The following PID1 variants were observed in gnomAD, a reference collection of about 807,000 sequenced individuals.
The protein encoded by PID1 is PTB-containing, cubilin and LRP1-interacting protein.
PID1 carries 10 observed loss-of-function variants against 19.1 expected under a neutral mutation model. The ratio of observed to expected loss-of-function variants is 0.52; its 90% CI spans 0.32 to 0.89. PID1 has a LOEUF of 0.89. Ranked by LOEUF, PID1 falls within the 40% of genes least tolerant of loss-of-function variation. The pLI is 0.03. For missense variants in PID1, 248 were observed against 285.3 expected (o/e 0.87, Z 0.94); for synonymous variants, 130 against 116.0 (o/e 1.12, Z -0.78).
intron 1 of PID1, among the ~76,000 whole-genome samples, chr2:229,201,022 C>T (rs1691488411): frequency 6.6e-6 from 1 of 152,004 alleles, no homozygotes; most frequent in African/African-American, 2.4e-5. Context: ...TATGAAAATA[C>T]CACCATGTTC....
At chr2:229,059,913 C>G (rs1329200013) in intron 2 of PID1, among the ~76,000 whole-genome samples, 2 of 152,098 alleles carry the variant, frequency 1.3e-5, no homozygotes, top group Non-Finnish European at 2.9e-5. Flanking sequence ...GGGGATGATG[C>G]AGAATTACAA....
At chr2:229,119,915 G>A (rs980304482) in intron 2 of PID1, among the ~76,000 whole-genome samples, 7 of 152,038 alleles carry the variant, frequency 4.6e-5, no homozygotes, top group Non-Finnish European at 7.4e-5. Context: ...TGCTTGAGCC[G>A]GGACATCTAT....
intron 2 of PID1, among the ~76,000 whole-genome samples, chr2:229,067,531 G>A (rs538145210): frequency 1.3e-5 from 2 of 151,874 alleles, no homozygotes; most frequent in South Asian, 2.1e-4. Flanking sequence ...TACTCCCATA[G>A]CCCCACCAAA....
intron 2 of PID1, among the ~76,000 whole-genome samples, chr2:229,029,839 CAAA>C (rs35968488): frequency 8.8e-6 from 1 of 114,186 alleles, no homozygotes. Flanking sequence ...CACTCCGTCT[CAAA>C]AAAAAAAAAA....
At chr2:229,054,715 TGTGTGGGG>T (rs1211443624) in intron 2 of PID1, among the ~76,000 whole-genome samples, 481 of 14,516 alleles carry the variant, frequency 0.033, 8 homozygotes, top group Middle Eastern at 0.19. Flanking sequence ...TGTGTGTGTG[TGTGTGGGG>T]GGGGGGGGGG....
chr2:229,122,015 C>T (rs1695533937), intron 2 of PID1, among the ~76,000 whole-genome samples: 1 of 152,020 alleles, frequency 6.6e-6, no homozygotes. Flanking sequence ...CTAGAAGAGG[C>T]CTGAATAAAG....
At chr2:229,139,146 A>AAAGAAAGAAAGAAAGAAAGCAAGCAAGC (rs1293626727) in intron 2 of PID1, among the ~76,000 whole-genome samples, 10 of 109,028 alleles carry the variant, frequency 9.2e-5, no homozygotes, top group South Asian at 4.5e-4. Context: ...AGAAAGAAAG[A>AAAGAAAGAAAGAAAGAAAGCAAGCAAGC]AAGCAAGCGA....
chr2:229,143,362 T>A (rs6436850), intron 2 of PID1, among the ~76,000 whole-genome samples: 20,030 of 151,960 alleles, frequency 0.13, 1,708 homozygotes, highest in African/African-American at 0.24. Flanking sequence ...TAAAATTTTT[T>A]AAAAAACTGA....
chr2:229,230,197 T>C (rs1692171963), intron 1 of PID1, among the ~76,000 whole-genome samples: 1 of 152,158 alleles, frequency 6.6e-6, no homozygotes, highest in Non-Finnish European at 1.5e-5. Flanking sequence ...GTCAAGAAGT[T>C]TTTAGCTGTA....
chr2:229,168,144 C>T (rs1409888911), intron 1 of PID1, among the ~76,000 whole-genome samples: 1 of 152,084 alleles, frequency 6.6e-6, no homozygotes. Flanking sequence ...AGTTATATAG[C>T]TTGTTTCAGT....
At chr2:229,045,576 T>G (rs1294130643) in intron 2 of PID1, among the ~76,000 whole-genome samples, 1 of 152,204 alleles carries the variant, frequency 6.6e-6, no homozygotes, top group Admixed American at 6.5e-5. Context: ...TGATGTCTTA[T>G]TTTACTTGGG....
intron 2 of PID1, among the ~76,000 whole-genome samples, chr2:229,126,066 C>T (rs1025900930): frequency 5.9e-5 from 9 of 152,058 alleles, no homozygotes; most frequent in Non-Finnish European, 8.8e-5. Flanking sequence ...GAAGCCATCC[C>T]GCAAAGATCC....
At chr2:229,223,779 C>T (rs1257167659) in intron 1 of PID1, among the ~76,000 whole-genome samples, 1 of 152,184 alleles carries the variant, frequency 6.6e-6, no homozygotes, top group East Asian at 1.9e-4. Context: ...CAAACACTCT[C>T]TATTTTTCTT....
intron 1 of PID1, among the ~76,000 whole-genome samples, chr2:229,184,981 T>C (rs1381207497): frequency 3.8e-5 from 1 of 26,530 alleles, no homozygotes; most frequent in Non-Finnish European, 6.6e-5. Context: ...ACTATATATA[T>C]ACTATATATA....
chr2:229,231,814 C>T, intron 1 of PID1: 2 of 1,498,086 alleles, frequency 1.3e-6, no homozygotes, highest in Non-Finnish European at 9.0e-7. Context: ...TTTACCAAAC[C>T]TACTTCCCAC....
At chr2:229,183,901 T>TCCC (rs778978877) in intron 1 of PID1, among the ~76,000 whole-genome samples, 3 of 1,922 alleles carry the variant, frequency 1.6e-3, no homozygotes, top group East Asian at 0.016. Context: ...TATATATATA[T>TCCC]ATATATATAT....
chr2:229,025,253 T>A lies in PID1; in HGVS notation c.*379A>T, dbSNP rs900130562. 1 of 201,562 alleles carries A rather than the reference T, an allele frequency of 5.0e-6. No individual in the cohort carries two copies. Among genetic ancestry groups the A allele is most frequent in the Non-Finnish European group, 1.0e-5 (1 of 96,692 alleles). 12.5% of individuals were successfully genotyped at this position (201,562 alleles called of 1,614,324 possible). Reference sequence around the variant, plus strand: ...GAGATCCCATAGGTGCCCCTAACATTCTTGTGGAATTTCATAAGGCAGATC... The same window carrying A: ...GAGATCCCATAGGTGCCCCTAACATACTTGTGGAATTTCATAAGGCAGATC... On this transcript the variant is annotated 3_prime_UTR_variant, in exon 3 of 3. Transcript: ENST00000392055.
At chr2:229,060,104 C>A (rs67371750) in intron 2 of PID1, among the ~76,000 whole-genome samples, 13,211 of 152,134 alleles carry the variant, frequency 0.087, 703 homozygotes, top group African/African-American at 0.14. Flanking sequence ...AAAACCATCA[C>A]CAGGCTACAT....
chr2:229,268,429 C>T (rs146121039), intron 1 of PID1, among the ~76,000 whole-genome samples: 2 of 152,246 alleles, frequency 1.3e-5, no homozygotes, highest in African/African-American at 4.8e-5. Context: ...CCAGCTTCAT[C>T]GAATATGAAC....
Sources: gnomAD v4.1 joint callset for allele counts (sites outside exome capture counted in the v4.1 genomes callset) on GRCh38, gnomAD v4.1.1 for gene constraint, MANE v1.5 for transcripts, NCBI Gene and HGNC (gene_info 2026-07-23, HGNC 2026-07-21) for gene names.